The following ZDHHC14 variants were observed in gnomAD, a reference collection of about 807,000 sequenced individuals.
ZDHHC14 encodes palmitoyltransferase ZDHHC14.
A neutral mutation model predicts 47.7 loss-of-function variants in ZDHHC14; 16 were observed. The ratio of observed to expected loss-of-function variants is 0.34; its 90% confidence interval spans 0.23 to 0.51. ZDHHC14 has a LOEUF of 0.51. ZDHHC14 is among the 20% of genes least tolerant of loss of function. ZDHHC14 has a pLI of 0.97. For missense variants in ZDHHC14, 515 were observed against 662.5 expected (o/e 0.78, Z 2.44); for synonymous variants, 293 against 278.9 (o/e 1.05, Z -0.50).
chr6:157,658,076 C>T (rs1028664357), intron 8 of ZDHHC14, among the ~76,000 whole-genome samples: 2 of 152,140 alleles, frequency 1.3e-5, no homozygotes, highest in African/African-American at 2.4e-5. Flanking sequence ...ATTTAAGTGT[C>T]GGCTATTATT....
intron 1 of ZDHHC14, among the ~76,000 whole-genome samples, chr6:157,412,020 C>T (rs1209244652): frequency 2.0e-5 from 3 of 150,694 alleles, no homozygotes; most frequent in Non-Finnish European, 3.0e-5. Flanking sequence ...CTCATGGCAA[C>T]CTCCACCTCC....
At chr6:157,535,959 T>C (rs903793163) in intron 1 of ZDHHC14, among the ~76,000 whole-genome samples, 5 of 152,222 alleles carry the variant, frequency 3.3e-5, no homozygotes, top group African/African-American at 1.2e-4. Flanking sequence ...TGTTTTGCAG[T>C]GACTCATTTG....
At chr6:157,456,205 A>G (rs1436276910) in intron 1 of ZDHHC14, among the ~76,000 whole-genome samples, 4 of 152,090 alleles carry the variant, frequency 2.6e-5, no homozygotes, top group African/African-American at 7.2e-5. Context: ...CTAGATTCTG[A>G]CAGAGGTACT....
rs908259888 is a variant in ZDHHC14, at chr6:157,502,665, G to A, written c.246-39920G>A. Among the ~76,000 whole-genome samples, 1 of 152,044 alleles carries A rather than the reference G, an allele frequency of 6.6e-6. No individual in the cohort carries two copies. Among genetic ancestry groups the A allele is most frequent in the African/African-American group, 2.4e-5 (1 of 41,414 alleles). Reference sequence around the variant, plus strand: ...ATGCTACTCATGGCTCATAGTTTTTGTTGTGTTTGTTTTTGTTTTGTTTTG... The same window carrying A: ...ATGCTACTCATGGCTCATAGTTTTTATTGTGTTTGTTTTTGTTTTGTTTTG... On this transcript the variant is annotated intron_variant, in intron 1 of 8. Coordinates refer to ENST00000359775, the MANE Select transcript of ZDHHC14 (RefSeq NM_024630.3). This position sits in a 1 kb window ranked among gnomAD's most constrained non-coding sequence, Gnocchi z 4.0.
intron 1 of ZDHHC14, among the ~76,000 whole-genome samples, chr6:157,439,393 C>G (rs956917717): frequency 2.0e-5 from 3 of 152,136 alleles, no homozygotes; most frequent in South Asian, 2.1e-4. Context: ...ATGTGGCCAA[C>G]AAACATATTA....
At chr6:157,572,665 C>T (rs531211209) in intron 2 of ZDHHC14, among the ~76,000 whole-genome samples, 2 of 123,546 alleles carry the variant, frequency 1.6e-5, no homozygotes, top group East Asian at 5.0e-4. Context: ...CCACAACAGT[C>T]CCCGGTGTGT....
intron 2 of ZDHHC14, among the ~76,000 whole-genome samples, chr6:157,564,916 G>C (rs971401588): frequency 6.6e-6 from 1 of 152,164 alleles, no homozygotes; most frequent in Admixed American, 6.5e-5. Context: ...GTGAGCTTCT[G>C]CATGCTGCTT....
chr6:157,440,779 C>A (rs1778545570), intron 1 of ZDHHC14, among the ~76,000 whole-genome samples: 1 of 152,130 alleles, frequency 6.6e-6, no homozygotes, highest in African/African-American at 2.4e-5. Context: ...ACCTTAAAAA[C>A]AGGTGCTAAG....
Position 157,674,476 on chromosome 6 carries a change from T to G in ZDHHC14, c.*1354T>G, listed in dbSNP as rs1477514561. 6.6e-6 allele frequency: 1 copy of G among 152,210 alleles called. No homozygotes were observed. The highest frequency in any genetic ancestry group is 2.4e-5 in the African/African-American group (1 of 41,450). 9.4% of individuals were successfully genotyped at this position (152,210 alleles called of 1,614,324 possible). On this transcript the variant is annotated 3_prime_UTR_variant, in exon 9 of 9. Coordinates refer to ENST00000359775, the MANE Select transcript of ZDHHC14 (RefSeq NM_024630.3). Reference sequence around the variant, plus strand: ...AGAAGGGAACGAACTGGCTCTGGACTTAGGGAGTGTGTCACTATGGGGGCA... The same window carrying G: ...AGAAGGGAACGAACTGGCTCTGGACGTAGGGAGTGTGTCACTATGGGGGCA...
chr6:157,601,345 TGTG>T (rs1784329466), intron 3 of ZDHHC14, among the ~76,000 whole-genome samples: 1 of 152,200 alleles, frequency 6.6e-6, no homozygotes, highest in African/African-American at 2.4e-5. Context: ...TTCTAATTAA[TGTG>T]GTAATGTAGG....
chr6:157,621,806 T>C (rs1785199731), intron 3 of ZDHHC14, among the ~76,000 whole-genome samples: 1 of 152,204 alleles, frequency 6.6e-6, no homozygotes. Context: ...GAGTTTTTGG[T>C]CCCTGTCCTA....
intron 1 of ZDHHC14, among the ~76,000 whole-genome samples, chr6:157,384,074 G>A (rs987034376): frequency 6.6e-6 from 1 of 152,188 alleles, no homozygotes; most frequent in Non-Finnish European, 1.5e-5. Context: ...AGTATTAACT[G>A]TGTTCCTACA....
At chr6:157,484,288 T>C (rs1348327165) in intron 1 of ZDHHC14, among the ~76,000 whole-genome samples, 10 of 101,326 alleles carry the variant, frequency 9.9e-5, no homozygotes, top group African/African-American at 3.3e-4. Context: ...CGTATATATA[T>C]ATGTGTATAT....
chr6:157,540,516 C>G (rs141586515), intron 1 of ZDHHC14, among the ~76,000 whole-genome samples: 1,605 of 152,294 alleles, frequency 0.011, 18 homozygotes, highest in Non-Finnish European at 0.018. Context: ...AAGTAGCCAT[C>G]CTTGGAGAAG....
Position 157,601,372 on chromosome 6 carries a change from A to C in ZDHHC14, c.565+8226A>C, listed in dbSNP as rs142367612. 2.4e-3 allele frequency among the ~76,000 whole-genome samples: 361 copies of C among 152,308 alleles called. 1 individual carries two copies. The highest frequency in any genetic ancestry group is 0.01 in the Middle Eastern group (3 of 294). The stretch of plus-strand genomic sequence containing the variant: ...TGGTAATGTAGGAAAATAAACACAA[A>C]TATATAACTATCAAAAAAGAAGAAA... On this transcript the variant is annotated intron_variant, in intron 3 of 8. Transcript: ENST00000359775.
intron 2 of ZDHHC14, 82 bp from the exon 3 acceptor site, chr6:157,592,906 G>C: frequency 6.6e-7 from 1 of 1,514,386 alleles, no homozygotes; most frequent in Non-Finnish European, 8.8e-7. Flanking sequence ...CTGCCCTGGA[G>C]CTTACACTCC....
At chr6:157,475,428 G>C (rs773263146) in intron 1 of ZDHHC14, among the ~76,000 whole-genome samples, 1 of 151,850 alleles carries the variant, frequency 6.6e-6, no homozygotes, top group Admixed American at 6.6e-5. Flanking sequence ...TAGGGATTGC[G>C]TTGAATCTGT....
chr6:157,390,337 T>C (rs1255445544), intron 1 of ZDHHC14, among the ~76,000 whole-genome samples: 1 of 152,334 alleles, frequency 6.6e-6, no homozygotes, highest in African/African-American at 2.4e-5. Flanking sequence ...TTATCTTTTG[T>C]TGTCAGTAGT....
At chr6:157,487,742 T>G (rs1287954596) in intron 1 of ZDHHC14, among the ~76,000 whole-genome samples, 2 of 152,188 alleles carry the variant, frequency 1.3e-5, no homozygotes, top group African/African-American at 2.4e-5. Flanking sequence ...AGTACTATTA[T>G]TATTAGGCAG....
Sources: allele counts gnomAD v4.1 joint callset (sites outside exome capture counted in the v4.1 genomes callset), GRCh38; gene constraint gnomAD v4.1.1; non-coding constraint Gnocchi (gnomAD v3.1); transcripts MANE v1.5; gene names NCBI Gene and HGNC (gene_info 2026-07-23, HGNC 2026-07-21).